The following SHLD2 variants were observed in gnomAD, a reference collection of about 807,000 sequenced individuals.
The protein encoded by SHLD2 is shieldin complex subunit 2.
A neutral mutation model predicts 73.2 loss-of-function variants in SHLD2; 30 were observed. The ratio of observed to expected loss-of-function variants is 0.41; its 90% confidence interval spans 0.31 to 0.56. SHLD2 has a LOEUF of 0.56. SHLD2 is among the 20% of genes least tolerant of loss of function. The probability of loss-of-function intolerance (pLI) is 0.28; values close to 1 mark genes in which losing one functional copy is unlikely to be tolerated. For synonymous variants in SHLD2, 285 were observed against 370.1 expected, an observed-to-expected ratio of 0.77 and a Z score of 2.64; for missense variants, 745 against 1,055.9, an observed-to-expected ratio of 0.71 and a Z score of 4.08.
chr10:87,130,123 T>C (rs1844321818), intron 2 of SHLD2, among the ~76,000 whole-genome samples: 1 of 152,060 alleles, frequency 6.6e-6, no homozygotes. Flanking sequence ...AGATGAGTGG[T>C]AATCCTTGAC....
intron 2 of SHLD2, among the ~76,000 whole-genome samples, chr10:87,123,615 G>A (rs982342515): frequency 1.3e-5 from 2 of 152,150 alleles, no homozygotes; most frequent in African/African-American, 4.8e-5. Flanking sequence ...GAGTTTTGCT[G>A]TCACCCTAAT....
intron 9 of SHLD2, among the ~76,000 whole-genome samples, chr10:87,189,816 T>G (rs1848918864): frequency 6.6e-6 from 1 of 152,132 alleles, no homozygotes; most frequent in Non-Finnish European, 1.5e-5. Flanking sequence ...GATTCAATAT[T>G]TAAGTGACCG....
intron 2 of SHLD2, among the ~76,000 whole-genome samples, chr10:87,112,794 C>G (rs1334148561): frequency 6.6e-6 from 1 of 151,336 alleles, no homozygotes; most frequent in Non-Finnish European, 1.5e-5. Context: ...TTATAGGGTT[C>G]CTTACTGATA....
chr10:87,173,210 T>G (rs868095578), intron 6 of SHLD2, among the ~76,000 whole-genome samples: 365 of 151,340 alleles, frequency 2.4e-3, no homozygotes, highest in African/African-American at 8.4e-3. Context: ...GTATTTTTAG[T>G]AGAGACGAGG....
intron 9 of SHLD2, among the ~76,000 whole-genome samples, chr10:87,189,440 A>G (rs1021868942): frequency 2.6e-5 from 4 of 152,280 alleles, no homozygotes; most frequent in Admixed American, 2.0e-4. Context: ...GATTGTGATC[A>G]TAAGTCAAAA....
At chr10:87,095,140 C>CGGGAGGGGCA (rs1228700494), upstream of SHLD2, 1 of 36,446 alleles carries the variant, frequency 2.7e-5, no homozygotes, top group Admixed American at 3.3e-4. Context: ...GGGGAACGGA[C>CGGGAGGGGCA]GGGAGGGGCA....
chr10:87,126,814 T>C (rs1242779743), intron 2 of SHLD2, among the ~76,000 whole-genome samples: 1 of 152,256 alleles, frequency 6.6e-6, no homozygotes, highest in Non-Finnish European at 1.5e-5. Flanking sequence ...GAAATCATAA[T>C]GTATTTCTCC....
In SHLD2 at chr10:87,106,151, C is replaced by A. The variant is rs576951852; in HGVS notation, c.-6+9162C>A. On this transcript the variant is annotated intron_variant, in intron 2 of 9. Coordinates refer to ENST00000298786, the MANE Select transcript of SHLD2 (RefSeq NM_001330112.2). ...CCCCAGTAGCTGGGATTACAGGCAC[C>A]TGCTACCATGGCTGACTAATTTTTT... Among the ~76,000 whole-genome samples, 117 of 152,286 alleles carry A rather than the reference C, an allele frequency of 7.7e-4. 1 individual carries two copies. The highest frequency in any genetic ancestry group is 3.4e-3 in the Middle Eastern group (1 of 294).
chr10:87,111,223 G>A (rs1223347384), intron 2 of SHLD2, among the ~76,000 whole-genome samples: 3 of 151,930 alleles, frequency 2.0e-5, no homozygotes, highest in African/African-American at 4.8e-5. Context: ...GTACAGTGGC[G>A]CCATCATGGC....
rs868562888 is a variant in SHLD2 at position 87,155,620 on chromosome 10, G to T, written c.1526-2428G>T. Reference sequence around the variant, plus strand: ...ATTAAGTTTCCCAGACTGTAAAAGAGGGCTGGATCCTGGACCATGGTCATT... The same window carrying T: ...ATTAAGTTTCCCAGACTGTAAAAGATGGCTGGATCCTGGACCATGGTCATT... On this transcript the variant is annotated intron_variant, in intron 3 of 9. Coordinates refer to ENST00000298786, the MANE Select transcript of SHLD2 (RefSeq NM_001330112.2). 4.0e-5 allele frequency among the ~76,000 whole-genome samples: 6 copies of T among 151,666 alleles called. No individual in the cohort carries two copies. In the East Asian group the frequency reaches 7.8e-4, roughly 20 times the overall value.
chr10:87,102,730 T>G (rs1367921281), intron 2 of SHLD2, among the ~76,000 whole-genome samples: 2 of 151,726 alleles, frequency 1.3e-5, no homozygotes, highest in Non-Finnish European at 2.9e-5. Context: ...AGAAAAAAAT[T>G]TTTAAAAATT....
intron 2 of SHLD2, among the ~76,000 whole-genome samples, chr10:87,143,219 T>A (rs1845335236): frequency 1.3e-5 from 2 of 152,108 alleles, no homozygotes; most frequent in South Asian, 4.1e-4. Context: ...AATTACAAGC[T>A]TGAGCCACTA....
chr10:87,188,000 C>T (rs1246994642), intron 9 of SHLD2, among the ~76,000 whole-genome samples: 2 of 152,152 alleles, frequency 1.3e-5, no homozygotes, highest in Non-Finnish European at 2.9e-5. Context: ...CCTGCTCCAC[C>T]ATCAGCATAG....
intron 6 of SHLD2, among the ~76,000 whole-genome samples, chr10:87,172,685 T>C (rs1380175352): frequency 6.6e-6 from 1 of 151,958 alleles, no homozygotes; most frequent in African/African-American, 2.4e-5. Flanking sequence ...AAAATTGGAT[T>C]GTAAAACTTC....
intron 9 of SHLD2, among the ~76,000 whole-genome samples, chr10:87,188,381 G>T (rs914223528): frequency 2.6e-5 from 4 of 152,026 alleles, no homozygotes; most frequent in African/African-American, 9.7e-5. Flanking sequence ...ATCTGTACTG[G>T]TTCCTCACCT....
At chr10:87,167,892 G>A (rs1248796437) in intron 4 of SHLD2, among the ~76,000 whole-genome samples, 4 of 152,126 alleles carry the variant, frequency 2.6e-5, no homozygotes, top group Non-Finnish European at 5.9e-5. Context: ...TGATCCTCTT[G>A]TCTTAGCCTC....
intron 2 of SHLD2, among the ~76,000 whole-genome samples, chr10:87,130,910 T>C (rs1844381388): frequency 6.6e-6 from 1 of 151,966 alleles, no homozygotes; most frequent in African/African-American, 2.4e-5. Context: ...ATCTCTACTA[T>C]AGAAAAATTA....
intron 4 of SHLD2, 141 bp from the exon 5 acceptor site, chr10:87,170,337 T>C (rs1468814703): frequency 1.1e-5 from 6 of 570,076 alleles, no homozygotes; most frequent in African/African-American, 7.5e-5. Flanking sequence ...TTAGCTATTG[T>C]ACATGTTTTA....
At chr10:87,146,917 A>G (rs1845651381) in intron 2 of SHLD2, among the ~76,000 whole-genome samples, 2 of 151,676 alleles carry the variant, frequency 1.3e-5, no homozygotes, top group African/African-American at 2.4e-5. Context: ...TTAGCTGGGC[A>G]TGGTGGTGCA....
Sources: allele counts gnomAD v4.1 joint callset (sites outside exome capture counted in the v4.1 genomes callset), GRCh38; gene constraint gnomAD v4.1.1; transcripts MANE v1.5; gene names NCBI Gene and HGNC (gene_info 2026-07-23, HGNC 2026-07-21).